The following DACH2 variants were observed in gnomAD, a reference collection of about 807,000 sequenced individuals.
The protein encoded by DACH2 is dachshund homolog 2.
Under a neutral mutation model 35.8 loss-of-function variants are expected in DACH2, and 17 were observed. The ratio of observed to expected loss-of-function variants is 0.48; its 90% CI spans 0.33 to 0.71. The LOEUF (loss-of-function observed/expected upper bound fraction) is 0.71, where lower values mean the gene tolerates loss of function less well. Ranked by LOEUF, DACH2 falls within the 30% of genes least tolerant of loss-of-function variation. The probability of loss-of-function intolerance (pLI) is 0.02; values close to 1 mark genes in which losing one functional copy is unlikely to be tolerated. For synonymous variants in DACH2, 195 were observed against 177.3 expected (o/e 1.10, Z -0.79); for missense variants, 469 against 472.7 (o/e 0.99, Z 0.07).
intron 1 of DACH2, among the ~76,000 whole-genome samples, chrX:86,256,492 G>T (rs147592559): frequency 9.0e-6 from 1 of 111,348 alleles, no homozygotes; most frequent in African/African-American, 3.3e-5. Context: ...GGTTCCATAG[G>T]TCCCTCCTTT....
chrX:86,259,914 G>A (rs972610729), intron 1 of DACH2, among the ~76,000 whole-genome samples: 1 of 111,068 alleles, frequency 9.0e-6, no homozygotes, highest in Admixed American at 9.6e-5. Context: ...TTGATGCAAT[G>A]CCAAACATAG....
At chrX:86,642,644 C>T (rs1371788142) in intron 3 of DACH2, among the ~76,000 whole-genome samples, 1 of 112,129 alleles carries the variant, frequency 8.9e-6, no homozygotes, top group Non-Finnish European at 1.9e-5. Context: ...CCTAAAACAA[C>T]AGAATATTCA....
chrX:86,532,110 A>G (rs2038729975), intron 3 of DACH2, among the ~76,000 whole-genome samples: 1 of 112,713 alleles, frequency 8.9e-6, no homozygotes, highest in Admixed American at 9.3e-5. Flanking sequence ...CTGTTCCCCC[A>G]TTGTATCTTG....
intron 7 of DACH2, among the ~76,000 whole-genome samples, chrX:86,748,349 G>A: frequency 8.9e-6 from 1 of 112,210 alleles, no homozygotes; most frequent in Middle Eastern, 4.6e-3. Context: ...ATATATGGAA[G>A]CTATAGCTTT....
chrX:86,344,345 C>CAT (rs1569357545), intron 1 of DACH2, among the ~76,000 whole-genome samples: 4 of 84,783 alleles, frequency 4.7e-5, no homozygotes, highest in Non-Finnish European at 6.8e-5. Context: ...TATATATATA[C>CAT]ACACACACAC....
At chrX:86,791,315 G>C (rs1467336372) in intron 7 of DACH2, among the ~76,000 whole-genome samples, 1 of 111,901 alleles carries the variant, frequency 8.9e-6, no homozygotes, top group Admixed American at 9.5e-5. Flanking sequence ...ACTACTTAAA[G>C]AAATGATCTC....
intron 3 of DACH2, among the ~76,000 whole-genome samples, chrX:86,590,120 G>A (rs1257612472): frequency 1.8e-5 from 2 of 111,625 alleles, no homozygotes; most frequent in African/African-American, 6.5e-5. Flanking sequence ...CTCTGAGGAG[G>A]GATCACTGTC....
At chrX:86,396,821 G>A (rs1160985947) in intron 2 of DACH2, among the ~76,000 whole-genome samples, 1 of 110,768 alleles carries the variant, frequency 9.0e-6, no homozygotes, top group African/African-American at 3.3e-5. Flanking sequence ...GTCAGGTAGT[G>A]TGATGCCTCC....
intron 1 of DACH2, among the ~76,000 whole-genome samples, chrX:86,270,506 AC>A (rs1301121886): frequency 2.1e-4 from 23 of 111,183 alleles, no homozygotes; most frequent in Non-Finnish European, 4.0e-4. Context: ...GTATTTCAGC[AC>A]CTCTAGAAGT....
At position 86,514,920 on chromosome X, in the gene DACH2, G is replaced by A. The variant is rs992765484; in HGVS notation, c.640+529G>A. Among the ~76,000 whole-genome samples, 21 of 111,386 alleles carry A rather than the reference G, an allele frequency of 1.9e-4. No homozygotes were observed. In the Admixed American group the frequency reaches 2.0e-3, roughly 11 times the overall value. The stretch of plus-strand genomic sequence containing the variant: ...AATGTCTTAGTGTTTTTCATTGAAC[G>A]CTGTGAATAACTGGTAAAACTCCAG... On this transcript the variant is annotated intron_variant, in intron 3 of 11. Transcript: ENST00000373125.
At chrX:86,541,914 T>C (rs1000998040) in intron 3 of DACH2, among the ~76,000 whole-genome samples, 27 of 111,843 alleles carry the variant, frequency 2.4e-4, no homozygotes, top group African/African-American at 7.8e-4. Context: ...TCTTAACCCC[T>C]GAGTGGTTAA....
chrX:86,499,091 G>A (rs1200360623), intron 2 of DACH2, among the ~76,000 whole-genome samples: 1 of 111,668 alleles, frequency 9.0e-6, no homozygotes, highest in Non-Finnish European at 1.9e-5. Context: ...ATATGCATAG[G>A]TACTTTACTT....
At chrX:86,612,611 T>C (rs1345064066) in intron 3 of DACH2, among the ~76,000 whole-genome samples, 1 of 112,046 alleles carries the variant, frequency 8.9e-6, no homozygotes, top group Non-Finnish European at 1.9e-5. Flanking sequence ...ACTCCCATAA[T>C]AGCTATGCTT....
At chrX:86,181,271 G>T (rs1324315877) in intron 1 of DACH2, among the ~76,000 whole-genome samples, 1 of 109,841 alleles carries the variant, frequency 9.1e-6, no homozygotes, top group Admixed American at 9.8e-5. Context: ...ATGCCATGGT[G>T]GTTTGCTGCA....
intron 4 of DACH2, among the ~76,000 whole-genome samples, chrX:86,682,344 T>C (rs905809331): frequency 1.8e-5 from 2 of 112,118 alleles, no homozygotes; most frequent in Admixed American, 1.9e-4. Context: ...CTGGAGTCTT[T>C]CCTGGTTTGA....
chrX:86,747,708 G>A (rs750480205), intron 7 of DACH2, among the ~76,000 whole-genome samples: 2 of 111,795 alleles, frequency 1.8e-5, no homozygotes, highest in African/African-American at 6.5e-5. Context: ...GATGTTGATG[G>A]CTGCTGACAG....
Position 86,667,462 on chromosome X carries a change from T to C in DACH2, c.772+16295T>C, listed in dbSNP as rs28446090. Among the ~76,000 whole-genome samples the C allele has an allele frequency of 4.0e-4, 24 of 60,716 alleles. No homozygotes were observed. The East Asian group carries it at 4.5e-3, about 11-fold the overall frequency. 52.7% of individuals were successfully genotyped at this position (60,716 alleles called of 115,157 possible). On this transcript the variant is annotated intron_variant, in intron 4 of 11. Coordinates refer to ENST00000373125, the MANE Select transcript of DACH2 (RefSeq NM_053281.3). The stretch of plus-strand genomic sequence containing the variant: ...AGAAAGAAGAAAGAGAAAGAAAGAA[T>C]GAATGAAAGAAAGAAAGAAGGAAGG...
chrX:86,569,385 C>A (rs989084054), intron 3 of DACH2, among the ~76,000 whole-genome samples: 3 of 111,188 alleles, frequency 2.7e-5, no homozygotes, highest in African/African-American at 9.8e-5. Flanking sequence ...CCATGCTTAA[C>A]CTTTAAGTTC....
At chrX:86,160,331 C>T (rs2030707645) in intron 1 of DACH2, 1 of 1,016,672 alleles carries the variant, frequency 9.8e-7, no homozygotes, top group East Asian at 3.0e-5. Flanking sequence ...AACTGTCTGT[C>T]TCATATCACA....
Sources: gnomAD v4.1 joint callset for allele counts (sites outside exome capture counted in the v4.1 genomes callset) on GRCh38, gnomAD v4.1.1 for gene constraint, MANE v1.5 for transcripts, NCBI Gene and HGNC (gene_info 2026-07-23, HGNC 2026-07-21) for gene names.